DNAAF9: variants seen among roughly 807,000 people sequenced by gnomAD.
DNAAF9 encodes the protein shulin.
Under a neutral mutation model 167.0 loss-of-function variants are expected in DNAAF9, and 90 were observed. The ratio of observed to expected loss-of-function variants is 0.54; its 90% CI spans 0.45 to 0.64. The LOEUF (loss-of-function observed/expected upper bound fraction) is 0.64. Among genes scored for constraint, DNAAF9 ranks in the 30% least tolerant of loss-of-function variants. The probability of loss-of-function intolerance (pLI) is 0.00; values close to 1 mark genes in which losing one functional copy is unlikely to be tolerated. For synonymous variants in DNAAF9, 491 were observed against 508.8 expected (o/e 0.96, Z 0.47); for missense variants, 1,315 against 1,442.2 (o/e 0.91, Z 1.43).
intron 29 of DNAAF9, among the ~76,000 whole-genome samples, chr20:3,276,963 C>G (rs894969759): frequency 6.6e-6 from 1 of 152,192 alleles, no homozygotes; most frequent in African/African-American, 2.4e-5. Context: ...CTACCCCTTC[C>G]TTCTCAGGGG....
Position 3,361,916 on chromosome 20 carries a change from G to A in DNAAF9, c.613-2323C>T. 3.3e-6 allele frequency: 5 copies of A among 1,506,798 alleles called. No individual in the cohort carries two copies. In the South Asian group the frequency reaches 4.5e-5, roughly 14 times the overall value. The allele number at this position is 1,506,798 out of a possible 1,614,324, so 93.3% of individuals were successfully genotyped here. A position where few individuals can be genotyped will look rare whatever the true frequency, so the allele number is the denominator to read the frequency against. ...AACACTGTCCTTCAGGTGGCTGAGG[G>A]AGTTTCATATTTTCTTTAGACATCA... On this transcript the variant is annotated intron_variant, in intron 6 of 36. Coordinates refer to ENST00000252032, the MANE Select transcript of DNAAF9 (RefSeq NM_001009984.3).
In DNAAF9 at chr20:3,259,538, G is replaced by T; in HGVS notation, c.2997C>A (p.Ile999=). The T allele has an allele frequency of 6.2e-7, 1 of 1,612,036 alleles. No individual in the cohort carries two copies. Among genetic ancestry groups the T allele is most frequent in the Non-Finnish European group, 8.5e-7 (1 of 1,178,042 alleles). Residue 999 remains isoleucine, a synonymous_variant, in exon 33 of 37, where the codon ATC becomes ATA. Transcript: ENST00000252032. ...VAKCKAIQSS[I]KPSPFSGNIY... Reference sequence around the variant, plus strand: ...TGTTTCCGGAGAAGGGACTTGGCTTGATGGAGGACTGAATTGCTGGTGGAA... The same window carrying T: ...TGTTTCCGGAGAAGGGACTTGGCTTTATGGAGGACTGAATTGCTGGTGGAA...
At chr20:3,296,377 A>T in intron 23 of DNAAF9, 1 of 301,570 alleles carries the variant, frequency 3.3e-6, no homozygotes, top group Non-Finnish European at 6.4e-6. Context: ...CAGTGGGGAC[A>T]TTTTTCGTTT....
intron 10 of DNAAF9, 68 bp downstream of exon 10, chr20:3,340,436 C>T: frequency 1.6e-5 from 3 of 192,364 alleles, no homozygotes; most frequent in Non-Finnish European, 3.3e-5. Flanking sequence ...GTCTAGCTCC[C>T]CCCACCCACC....
chr20:3,298,131 G>C lies in DNAAF9; in HGVS notation c.1827C>G (p.Ser609Arg). The C allele has an allele frequency of 6.2e-7, 1 of 1,613,482 alleles. No homozygotes were observed. The highest frequency in any genetic ancestry group is 8.5e-7 in the Non-Finnish European group (1 of 1,179,388). ...GAACTGGGAGGTGAGGAAGCAATGA[G>C]CTTTTGAAGTCTATGAGAAGAGCAG... ...TVAALLIDFK[S>R]SLLPHLPVHF... The change falls in exon 22 of 37, where the codon AGC becomes AGG. Residue 609 changes from serine to arginine, a missense_variant. Physicochemically the swap from Ser to Arg is moderately radical, Grantham distance 110. Coordinates refer to ENST00000252032, the MANE Select transcript of DNAAF9 (RefSeq NM_001009984.3).
rs559289374 is a variant in DNAAF9 at position 3,269,755 on chromosome 20, C to A, written c.2786+672G>T. On this transcript the variant is annotated intron_variant, in intron 30 of 36. Coordinates refer to ENST00000252032, the MANE Select transcript of DNAAF9 (RefSeq NM_001009984.3). ...GGAACACAAGGTCAGGAGATTGAGACCATCCTGGCTAACATGGTGAAACCC... is the reference window on the plus strand; with the variant it reads ...GGAACACAAGGTCAGGAGATTGAGAACATCCTGGCTAACATGGTGAAACCC... 1.1e-4 allele frequency among the ~76,000 whole-genome samples: 17 copies of A among 152,120 alleles called. 1 individual carries two copies. Among genetic ancestry groups the A allele is most frequent in the Admixed American group, 9.8e-4 (15 of 15,292 alleles).
intron 7 of DNAAF9, among the ~76,000 whole-genome samples, chr20:3,359,126 G>GC (rs967801849): frequency 7.2e-5 from 11 of 152,204 alleles, no homozygotes; most frequent in African/African-American, 2.4e-4. Context: ...GAAAAAGTTT[G>GC]CCCCCCGGGC....
chr20:3,365,494 C>T (rs1048326260), intron 6 of DNAAF9, among the ~76,000 whole-genome samples: 6 of 152,046 alleles, frequency 3.9e-5, no homozygotes, highest in African/African-American at 7.2e-5. Context: ...CGGGTTCAAG[C>T]GATTCTCTTG....
chr20:3,270,675 G>A, intron 29 of DNAAF9, 113 bp from the exon 30 acceptor site: 2 of 829,722 alleles, frequency 2.4e-6, no homozygotes, highest in South Asian at 1.5e-5. Flanking sequence ...GTAGTCTCCT[G>A]ATGGAGACAA....
At chr20:3,259,576 G>A (rs767522257) in intron 32 of DNAAF9, 22 bp from the exon 33 acceptor site, 16 of 1,566,494 alleles carry the variant, frequency 1.0e-5, no homozygotes, top group South Asian at 2.2e-5. Context: ...AGAGGACAGC[G>A]CTGTCACCCA....
intron 9 of DNAAF9, 27 bp from the exon 10 acceptor site, chr20:3,340,666 A>G: frequency 6.2e-7 from 1 of 1,612,674 alleles, no homozygotes; most frequent in Non-Finnish European, 8.5e-7. Context: ...AAAACATGTG[A>G]TTAGAAAAGA....
At chr20:3,296,174 C>G (rs2236103) in intron 23 of DNAAF9, 2 of 578,444 alleles carry the variant, frequency 3.5e-6, no homozygotes, top group Non-Finnish European at 6.8e-6. Flanking sequence ...ACCTGCTAAG[C>G]GGGAGGATAA....
At position 3,250,666 on chromosome 20, in the gene DNAAF9, G is replaced by A. The variant is rs1057305458; in HGVS notation, c.*1906C>T. On this transcript the variant is annotated 3_prime_UTR_variant, in exon 37 of 37. Transcript: ENST00000252032. ...GGTGAGAAGACCCGCTCTCACGGGC[G>A]GGCTCCGACCCCTCTTTAAAAACTC... 3 of 152,144 alleles carry A rather than the reference G, an allele frequency of 2.0e-5. No individual in the cohort carries two copies. Among genetic ancestry groups the A allele is most frequent in the Non-Finnish European group, 2.9e-5 (2 of 68,034 alleles). The allele number at this position is 152,144 out of a possible 1,614,324, so 9.4% of individuals were successfully genotyped here.
At chr20:3,382,256 C>G (rs537428055) in intron 2 of DNAAF9, among the ~76,000 whole-genome samples, 171 bp downstream of exon 2, 1 of 152,274 alleles carries the variant, frequency 6.6e-6, no homozygotes, top group South Asian at 2.1e-4. Context: ...TCCTATCTCA[C>G]TGATAGCTCA....
intron 24 of DNAAF9, 53 bp downstream of exon 24, chr20:3,294,475 C>T (rs905036340): frequency 6.9e-5 from 89 of 1,288,394 alleles, no homozygotes; most frequent in African/African-American, 5.6e-4. Flanking sequence ...CTGAGGTTTC[C>T]GACATTTCAA....
At chr20:3,344,460 C>A (rs2065419133) in intron 8 of DNAAF9, among the ~76,000 whole-genome samples, 1 of 152,018 alleles carries the variant, frequency 6.6e-6, no homozygotes, top group African/African-American at 2.4e-5. Context: ...GGTAAATTTT[C>A]TTCAAATCTT....
intron 33 of DNAAF9, 132 bp from the exon 34 acceptor site, chr20:3,256,343 G>T: frequency 1.4e-6 from 1 of 691,382 alleles, no homozygotes; most frequent in Non-Finnish European, 2.5e-6. Flanking sequence ...TGTGACTGGT[G>T]GCAGCTTAGA....
intron 8 of DNAAF9, among the ~76,000 whole-genome samples, chr20:3,346,572 T>C (rs887671712): frequency 1.3e-5 from 2 of 151,478 alleles, no homozygotes; most frequent in African/African-American, 2.4e-5. Flanking sequence ...TACTGTTAAG[T>C]GGAAATGACT....
chr20:3,391,434 T>A (rs1316927253), intron 1 of DNAAF9, among the ~76,000 whole-genome samples: 1 of 152,198 alleles, frequency 6.6e-6, no homozygotes, highest in Non-Finnish European at 1.5e-5. Flanking sequence ...TACTGCTTTT[T>A]AAAATTATGT....
Sources: gnomAD v4.1 joint callset for allele counts (sites outside exome capture counted in the v4.1 genomes callset) on GRCh38, gnomAD v4.1.1 for gene constraint, MANE v1.5 for transcripts, NCBI Gene and HGNC (gene_info 2026-07-23, HGNC 2026-07-21) for gene names.